The following TEC variants were observed in gnomAD, a reference collection of about 807,000 sequenced individuals.
TEC encodes the protein tec protein tyrosine kinase, also known as tyrosine-protein kinase Tec.
A neutral mutation model predicts 93.0 loss-of-function variants in TEC; 72 were observed. The ratio of observed to expected loss-of-function variants is 0.77; its 90% CI spans 0.64 to 0.94. The LOEUF (loss-of-function observed/expected upper bound fraction) is 0.94, where lower values mean the gene tolerates loss of function less well. Among genes scored for constraint, TEC ranks in the 40% least tolerant of loss-of-function variants. The probability of loss-of-function intolerance (pLI) is 0.00; values close to 1 mark genes in which losing one functional copy is unlikely to be tolerated. For missense variants in TEC, 630 were observed against 757.9 expected (o/e 0.83, Z 1.98); for synonymous variants, 249 against 247.7 (o/e 1.01, Z -0.05).
intron 2 of TEC, 29 bp downstream of exon 2, chr4:48,228,448 C>G (rs375782141): frequency 1.9e-6 from 3 of 1,545,298 alleles, no homozygotes; most frequent in Non-Finnish European, 2.6e-6. Flanking sequence ...ACATAGAAAG[C>G]AGAAAAGTAA....
intron 2 of TEC, among the ~76,000 whole-genome samples, chr4:48,185,051 AAC>A (rs368469696): frequency 1.3e-5 from 2 of 149,134 alleles, no homozygotes; most frequent in African/African-American, 5.0e-5. Flanking sequence ...GAGACTTGAA[AAC>A]ACACACACAC....
intron 1 of TEC, among the ~76,000 whole-genome samples, chr4:48,251,157 T>C (rs1371079664): frequency 6.6e-6 from 1 of 152,170 alleles, no homozygotes; most frequent in Non-Finnish European, 1.5e-5. Flanking sequence ...CTCCTTAACC[T>C]AGTATATGAC....
intron 2 of TEC, among the ~76,000 whole-genome samples, chr4:48,210,020 G>A (rs1722845146): frequency 1.3e-5 from 2 of 152,186 alleles, no homozygotes; most frequent in Admixed American, 1.3e-4. Flanking sequence ...TAAACACTTT[G>A]GAGGAGAAAT....
At position 48,171,367 on chromosome 4, in the gene TEC, C is replaced by A; in HGVS notation, c.325+1G>T. 3 of 1,611,440 alleles carry A rather than the reference C, an allele frequency of 1.9e-6. No individual in the cohort carries two copies. Among genetic ancestry groups the A allele is most frequent in the South Asian group, 1.1e-5 (1 of 90,532 alleles). On this transcript the variant is annotated splice_donor_variant, in intron 4 of 17. Coordinates refer to ENST00000381501, the MANE Select transcript of TEC (RefSeq NM_003215.3). LOFTEE classifies it high-confidence loss of function. ...CAGAGTAATATTTCATTGAGTTTTA[C>A]CTTCTTTTAACTTCTTCACCCACAG...
chr4:48,200,070 C>T (rs1393308481), intron 2 of TEC, among the ~76,000 whole-genome samples: 2 of 152,158 alleles, frequency 1.3e-5, no homozygotes, highest in African/African-American at 4.8e-5. Context: ...TGCAGAATGA[C>T]ATTATACAGG....
chr4:48,190,184 G>C (rs73244500), intron 2 of TEC, among the ~76,000 whole-genome samples: 6,525 of 152,252 alleles, frequency 0.043, 181 homozygotes, highest in South Asian at 0.064. Context: ...TGAAATGCCA[G>C]GTGAGTATTT....
intron 2 of TEC, among the ~76,000 whole-genome samples, chr4:48,177,580 A>C (rs1028510265): frequency 4.6e-5 from 7 of 152,118 alleles, no homozygotes; most frequent in South Asian, 4.2e-4. Flanking sequence ...CTCCCATCTG[A>C]CTAAAGGACT....
intron 1 of TEC, among the ~76,000 whole-genome samples, chr4:48,237,331 AAG>A (rs1054047669): frequency 4.0e-5 from 6 of 150,860 alleles, no homozygotes; most frequent in Admixed American, 6.6e-5. Context: ...AAAAAAAAAA[AAG>A]AGAGAGAGAG....
At chr4:48,150,061 T>G (rs2109515577) in intron 10 of TEC, among the ~76,000 whole-genome samples, 1 of 152,312 alleles carries the variant, frequency 6.6e-6, no homozygotes, top group South Asian at 2.1e-4. Context: ...AATTAGACTT[T>G]TAAATATTCA....
At chr4:48,216,518 A>T (rs1723086673) in intron 2 of TEC, among the ~76,000 whole-genome samples, 1 of 148,950 alleles carries the variant, frequency 6.7e-6, no homozygotes, top group Non-Finnish European at 1.5e-5. Flanking sequence ...TTTAAAAAAA[A>T]TGCAAGAAGT....
At chr4:48,146,208 C>A in intron 12 of TEC, 117 bp downstream of exon 12, 1 of 895,414 alleles carries the variant, frequency 1.1e-6, no homozygotes, top group East Asian at 2.5e-5. Context: ...AAAACCTATA[C>A]TATAAACTTA....
intron 2 of TEC, among the ~76,000 whole-genome samples, chr4:48,188,044 T>A (rs1003705094): frequency 3.3e-5 from 5 of 152,004 alleles, no homozygotes; most frequent in African/African-American, 9.7e-5. Flanking sequence ...AAGGGGGGCA[T>A]GGAAAGAAGT....
intron 2 of TEC, among the ~76,000 whole-genome samples, chr4:48,210,363 G>A (rs1263048121): frequency 6.6e-6 from 1 of 151,974 alleles, no homozygotes; most frequent in African/African-American, 2.4e-5. Flanking sequence ...GCACGTGCCT[G>A]TCATCCTGGT....
intron 1 of TEC, among the ~76,000 whole-genome samples, chr4:48,229,950 C>G (rs556936780): frequency 2.0e-5 from 3 of 151,876 alleles, no homozygotes; most frequent in Admixed American, 1.3e-4. Context: ...TGGCAGGTGC[C>G]TGTAATCCCA....
intron 9 of TEC, 56 bp downstream of exon 9, chr4:48,156,624 T>G (rs1387616128): frequency 6.8e-7 from 1 of 1,476,640 alleles, no homozygotes; most frequent in Non-Finnish European, 9.3e-7. Flanking sequence ...CTACTTATTA[T>G]GGACTCATTA....
intron 1 of TEC, among the ~76,000 whole-genome samples, chr4:48,263,684 G>A (rs1724556994): frequency 6.6e-6 from 1 of 152,086 alleles, no homozygotes; most frequent in African/African-American, 2.4e-5. Flanking sequence ...GTGACAGAGC[G>A]AGACTGTCTC....
intron 8 of TEC, among the ~76,000 whole-genome samples, chr4:48,158,878 A>AGTTCCCTGGAAAGGAT (rs956107113): frequency 7.9e-5 from 12 of 152,294 alleles, no homozygotes; most frequent in Admixed American, 1.3e-4. Context: ...GGTGTTGGCA[A>AGTTCCCTGGAAAGGAT]GTTCCCTGGA....
chr4:48,187,373 T>C (rs1721922548), intron 2 of TEC, among the ~76,000 whole-genome samples: 3 of 151,548 alleles, frequency 2.0e-5, no homozygotes, highest in Admixed American at 1.3e-4. Context: ...CCTCCACTAT[T>C]GTCCTATTAC....
intron 1 of TEC, among the ~76,000 whole-genome samples, chr4:48,249,264 A>T (rs1211215233): frequency 6.6e-6 from 1 of 152,242 alleles, no homozygotes; most frequent in Non-Finnish European, 1.5e-5. Flanking sequence ...TAGTAAAGGC[A>T]TTCCTACCTG....
Sources: gnomAD v4.1 joint callset for allele counts (sites outside exome capture counted in the v4.1 genomes callset) on GRCh38, gnomAD v4.1.1 for gene constraint, MANE v1.5 for transcripts, NCBI Gene and HGNC (gene_info 2026-07-23, HGNC 2026-07-21) for gene names.